The following MACF1 variants were observed in gnomAD, a reference collection of about 807,000 sequenced individuals.
MACF1 encodes the protein microtubule actin crosslinking factor 1.
In MACF1, 193 loss-of-function variants were observed where a neutral mutation model predicts 854.8. The ratio of observed to expected loss-of-function variants is 0.23; its 90% CI spans 0.20 to 0.25. The LOEUF (loss-of-function observed/expected upper bound fraction) is 0.25, where lower values mean the gene tolerates loss of function less well. Ranked by LOEUF, MACF1 falls within the 10% of genes least tolerant of loss-of-function variation. MACF1 has a pLI of 1.00. For missense variants in MACF1, 7,722 were observed against 8,929.1 expected (o/e 0.86, Z 5.45); for synonymous variants, 3,185 against 3,226.7 (o/e 0.99, Z 0.44).
At chr1:39,339,575 G>T (rs1352778222) in intron 38 of MACF1, among the ~76,000 whole-genome samples, 1 of 152,200 alleles carries the variant, frequency 6.6e-6, no homozygotes, top group Non-Finnish European at 1.5e-5. Context: ...AATTAATATA[G>T]ATCCTTCTTT....
chr1:39,379,127 G>A (rs1017162477), intron 53 of MACF1, 76 bp from the exon 54 acceptor site: 3 of 1,419,916 alleles, frequency 2.1e-6, no homozygotes, highest in Non-Finnish European at 9.5e-7. Flanking sequence ...AGAGATGCAA[G>A]TAATTTAGGA....
At chr1:39,444,179 CA>C (rs1250477104) in intron 79 of MACF1, among the ~76,000 whole-genome samples, 2 of 151,872 alleles carry the variant, frequency 1.3e-5, no homozygotes, top group Non-Finnish European at 2.9e-5. Context: ...ACTAAAAATA[CA>C]AAAAATTAGC....
intron 58 of MACF1, chr1:39,411,985 A>G (rs1643029437): frequency 3.3e-5 from 53 of 1,614,004 alleles, no homozygotes; most frequent in Non-Finnish European, 4.4e-5. Flanking sequence ...GGAATGTGAA[A>G]AAGTGCCTTT....
chr1:39,175,823 T>C (rs1033165199), intron 2 of MACF1, among the ~76,000 whole-genome samples: 2 of 148,040 alleles, frequency 1.4e-5, no homozygotes, highest in African/African-American at 2.5e-5. Context: ...TGTGGCCAGG[T>C]GCAGTGGCTC....
At chr1:39,361,119 T>C in intron 48 of MACF1, 118 bp downstream of exon 48, 1 of 908,000 alleles carries the variant, frequency 1.1e-6, no homozygotes, top group Non-Finnish European at 1.7e-6. Flanking sequence ...TAATAAGATT[T>C]AGAAATGATA....
intron 47 of MACF1, among the ~76,000 whole-genome samples, chr1:39,360,285 G>A (rs1204545074): frequency 1.3e-5 from 2 of 151,548 alleles, no homozygotes; most frequent in African/African-American, 4.8e-5. Flanking sequence ...AGTACTTCTA[G>A]TATTAATATA....
At chr1:39,185,896 G>T (rs534859237) in intron 2 of MACF1, among the ~76,000 whole-genome samples, 1 of 152,272 alleles carries the variant, frequency 6.6e-6, no homozygotes, top group South Asian at 2.1e-4. Flanking sequence ...ACCCAGGGAA[G>T]AAAGTTCCCT....
At chr1:39,422,985 C>T (rs1275984991) in intron 60 of MACF1, 85 bp downstream of exon 60, 1 of 1,280,140 alleles carries the variant, frequency 7.8e-7, no homozygotes, top group Admixed American at 2.3e-5. Context: ...AGAAGCAGTT[C>T]AGGAGTTTTA....
intron 70 of MACF1, chr1:39,436,137 A>C: frequency 2.5e-6 from 1 of 408,052 alleles, no homozygotes; most frequent in Non-Finnish European, 4.4e-6. Flanking sequence ...ACAGCACATT[A>C]GTTTTCTTAA....
chr1:39,156,250 C>G (rs1643683993), intron 2 of MACF1, among the ~76,000 whole-genome samples: 1 of 151,676 alleles, frequency 6.6e-6, no homozygotes, highest in Non-Finnish European at 1.5e-5. Flanking sequence ...CTCAGGTGAT[C>G]CACCTACCTC....
At chr1:39,268,979 C>G in intron 6 of MACF1, 1 of 1,286,842 alleles carries the variant, frequency 7.8e-7, no homozygotes, top group Non-Finnish European at 1.0e-6. Context: ...GGGACTCAGC[C>G]CCCAACTCAC....
intron 58 of MACF1, among the ~76,000 whole-genome samples, chr1:39,403,659 T>G (rs940527904): frequency 5.3e-5 from 8 of 152,190 alleles, no homozygotes; most frequent in African/African-American, 1.9e-4. Flanking sequence ...AGCCCAAATA[T>G]TCTTCCTCTG....
chr1:39,469,624 T>G lies in MACF1; in HGVS notation c.21958+9T>G. ...CAGTCAGTCTCCCATAGGTTGGCTT[T>G]TAAGCTTTGTCCCTCTTCCTCACAC... On this transcript the variant is annotated intron_variant, in intron 97 of 100. Coordinates refer to ENST00000564288, the MANE Select transcript of MACF1 (RefSeq NM_001394062.1). The G allele has an allele frequency of 6.5e-7, 1 of 1,549,726 alleles. No homozygotes were observed. The highest frequency in any genetic ancestry group is 8.7e-7 in the Non-Finnish European group (1 of 1,146,176).
chr1:39,272,409 G>C (rs1055015299), intron 6 of MACF1, among the ~76,000 whole-genome samples: 4 of 152,220 alleles, frequency 2.6e-5, no homozygotes. Flanking sequence ...GCTAAAGTGG[G>C]AAAGCTGGGA....
In MACF1 at chr1:39,368,560, G is replaced by A. The variant is rs189454844; in HGVS notation, c.12938+246G>A. On this transcript the variant is annotated intron_variant, in intron 50 of 100. Transcript: ENST00000564288. ...TCTGTCACCCAGGCTGGAGTGCAGT[G>A]GTGCCATCTTGGCTCACTACAACCT... Among the ~76,000 whole-genome samples, 12 of 152,016 alleles carry A rather than the reference G, an allele frequency of 7.9e-5. No homozygotes were observed. In the East Asian group the frequency reaches 2.3e-3, roughly 29 times the overall value.
At chr1:39,321,952 A>C (rs1039493192) in intron 31 of MACF1, among the ~76,000 whole-genome samples, 1 of 152,224 alleles carries the variant, frequency 6.6e-6, no homozygotes, top group African/African-American at 2.4e-5. Context: ...AGAAGCAGTG[A>C]AAGTACCTAA....
Position 39,324,445 on chromosome 1 carries a change from T to C in MACF1, c.4389+100T>C, listed in dbSNP as rs1312030154. The C allele has an allele frequency of 5.7e-6, 8 of 1,398,988 alleles. No individual in the cohort carries two copies. In the South Asian group the frequency reaches 7.1e-5, roughly 12 times the overall value. The allele number at this position is 1,398,988 out of a possible 1,614,324, so 86.7% of individuals were successfully genotyped here. ...CACATGTGGGCCATTCCAGAAGTGA[T>C]TGCTACCTGAGTAAATGTTAAAGAA... On this transcript the variant is annotated intron_variant, in intron 34 of 100. Transcript: ENST00000564288.
intron 18 of MACF1, 74 bp from the exon 19 acceptor site, chr1:39,294,972 C>CA (rs1645870110): frequency 9.1e-7 from 1 of 1,104,212 alleles, no homozygotes; most frequent in Non-Finnish European, 1.4e-6. Flanking sequence ...AAATAGGGAA[C>CA]ACAGCTTTTA....
intron 23 of MACF1, chr1:39,304,653 T>C: frequency 1.4e-5 from 7 of 486,226 alleles, no homozygotes; most frequent in Non-Finnish European, 2.6e-5. Context: ...AAGCTCCGCC[T>C]CCTGTGTTCA....
Sources: allele counts gnomAD v4.1 joint callset (sites outside exome capture counted in the v4.1 genomes callset), GRCh38; gene constraint gnomAD v4.1.1; transcripts MANE v1.5; gene names NCBI Gene and HGNC (gene_info 2026-07-23, HGNC 2026-07-21).